Variants in EBF3 observed in about 807,000 individuals in gnomAD.
EBF3 encodes transcription factor COE3.
In EBF3, 18 loss-of-function variants were observed where a neutral mutation model predicts 77.1. The ratio of observed to expected loss-of-function variants is 0.23; its 90% CI spans 0.16 to 0.35. The LOEUF (loss-of-function observed/expected upper bound fraction) is 0.35, where lower values mean the gene tolerates loss of function less well. Among genes scored for constraint, EBF3 ranks in the 10% least tolerant of loss-of-function variants. The probability of loss-of-function intolerance (pLI) is 1.00; values close to 1 mark genes in which losing one functional copy is unlikely to be tolerated. For synonymous variants in EBF3, 350 were observed against 343.5 expected, an observed-to-expected ratio of 1.02 and a Z score of -0.21; for missense variants, 558 against 860.0, an observed-to-expected ratio of 0.65 and a Z score of 4.39.
At chr10:129,868,905 G>A (rs538055238) in intron 8 of EBF3, among the ~76,000 whole-genome samples, 22 of 152,328 alleles carry the variant, frequency 1.4e-4, no homozygotes, top group South Asian at 6.2e-4. Context: ...CCAAAGCCTC[G>A]GAGCCTGTCA....
In EBF3 at chr10:129,853,562, G is replaced by A. The variant is rs943134235; in HGVS notation, c.1040-5082C>T. 5.9e-5 allele frequency among the ~76,000 whole-genome samples: 9 copies of A among 152,160 alleles called. No homozygotes were observed. The East Asian group carries it at 7.7e-4, about 13-fold the overall frequency. On this transcript the variant is annotated intron_variant, in intron 10 of 16. Transcript: ENST00000440978. ...TAAGAACATCTGCAGTTCCTTTTCC[G>A]AGGGACAAGAATGCGCCTCAATTAA...
chr10:129,896,468 T>C (rs11813093), intron 6 of EBF3, among the ~76,000 whole-genome samples: 13,418 of 152,316 alleles, frequency 0.088, 711 homozygotes, highest in East Asian at 0.22. Context: ...CCGCCATTCC[T>C]GGCCCCTCCG....
In EBF3 at chr10:129,935,507, A is replaced by T. The variant is rs554319177; in HGVS notation, c.554+21751T>A. On this transcript the variant is annotated intron_variant, in intron 6 of 16. Coordinates refer to ENST00000440978, the MANE Select transcript of EBF3 (RefSeq NM_001375380.1). The surrounding 1 kb of genome is among the most constrained non-coding windows in gnomAD (Gnocchi z 4.2). ...TTCCTGTGTGACCCCAACCCTAAGA[A>T]CAAGCCTCCCAACTCAGCGCCAACT... Among the ~76,000 whole-genome samples, 22 of 152,272 alleles carry T rather than the reference A, an allele frequency of 1.4e-4. 1 individual carries two copies. In the South Asian group the frequency reaches 4.3e-3, roughly 30 times the overall value.
In EBF3 at chr10:129,943,497, G is replaced by C. The variant is rs1455581140; in HGVS notation, c.554+13761C>G. Among the ~76,000 whole-genome samples, 2 of 152,250 alleles carry C rather than the reference G, an allele frequency of 1.3e-5. No individual in the cohort carries two copies. The highest frequency in any genetic ancestry group is 4.8e-5 in the African/African-American group (2 of 41,532). On this transcript the variant is annotated intron_variant, in intron 6 of 16. Coordinates refer to ENST00000440978, the MANE Select transcript of EBF3 (RefSeq NM_001375380.1). This position sits in a 1 kb window ranked among gnomAD's most constrained non-coding sequence, Gnocchi z 8.8. ...CATTATATAACTGTAAACTTCTGGA[G>C]GTTAGAGATTGGATAATTTCTTTCA...
chr10:129,937,191 A>C (rs974756689), intron 6 of EBF3, among the ~76,000 whole-genome samples: 1 of 152,144 alleles, frequency 6.6e-6, no homozygotes, highest in Non-Finnish European at 1.5e-5. Context: ...GATGGGTGGG[A>C]CAACCACAGG....
chr10:129,887,873 A>G (rs1480796928), intron 6 of EBF3, among the ~76,000 whole-genome samples: 1 of 152,138 alleles, frequency 6.6e-6, no homozygotes, highest in Non-Finnish European at 1.5e-5. Context: ...GTAAGAGGCA[A>G]ACAAAATCAG....
chr10:129,957,215 G>A (rs1174868490), intron 6 of EBF3, 43 bp downstream of exon 6: 2 of 1,546,922 alleles, frequency 1.3e-6, no homozygotes, highest in Non-Finnish European at 1.8e-6. Context: ...ACGTTTTGTT[G>A]CTGCTGCGGT....
Position 129,837,458 on chromosome 10 carries a change from C to T in EBF3, c.*485G>A. 6.4e-6 allele frequency: 1 copy of T among 155,124 alleles called. No homozygotes were observed. Among genetic ancestry groups the T allele is most frequent in the South Asian group, 2.0e-4 (1 of 5,122 alleles). 9.6% of individuals were successfully genotyped at this position (155,124 alleles called of 1,614,324 possible). ...CATACCTCCTTGGCCCTCTTTTTATCACCACAAAAAAATATTTCACATTAT... is the reference window on the plus strand; with the variant it reads ...CATACCTCCTTGGCCCTCTTTTTATTACCACAAAAAAATATTTCACATTAT... On this transcript the variant is annotated 3_prime_UTR_variant, in exon 17 of 17. Transcript: ENST00000440978.
Position 129,864,309 on chromosome 10 carries a change from C to T in EBF3, c.1039+2832G>A, listed in dbSNP as rs191767281. Among the ~76,000 whole-genome samples the T allele has an allele frequency of 2.4e-3, 365 of 152,210 alleles. 2 individuals carry two copies. Among genetic ancestry groups the T allele is most frequent in the South Asian group, 3.7e-3 (18 of 4,814 alleles). On this transcript the variant is annotated intron_variant, in intron 10 of 16. Coordinates refer to ENST00000440978, the MANE Select transcript of EBF3 (RefSeq NM_001375380.1). This position sits in a 1 kb window ranked among gnomAD's most constrained non-coding sequence, Gnocchi z 4.4. ...GGGGGGACGCTGACATCACAGGCTC[C>T]GCCACACCATGTGATACCTGCCAGC...
At chr10:129,959,663 C>A (rs1442172312) in intron 4 of EBF3, among the ~76,000 whole-genome samples, 1 of 151,948 alleles carries the variant, frequency 6.6e-6, no homozygotes, top group Non-Finnish European at 1.5e-5. Context: ...CGGCCGCCGT[C>A]CCGAGCTCCC....
intron 5 of EBF3, among the ~76,000 whole-genome samples, chr10:129,958,084 GATA>G: frequency 6.6e-6 from 1 of 152,158 alleles, no homozygotes; most frequent in Non-Finnish European, 1.5e-5. Context: ...TGCAGAAGTG[GATA>G]ATAAAGAAAT....
rs1321595114 is a variant in EBF3 at position 129,863,492 on chromosome 10, C to A, written c.1039+3649G>T. 6.6e-6 allele frequency among the ~76,000 whole-genome samples: 1 copy of A among 152,226 alleles called. No homozygotes were observed. The highest frequency in any genetic ancestry group is 2.4e-5 in the African/African-American group (1 of 41,458). ...AGATCATTGAGGCCCTTTGCAAAGC[C>A]CCTCCCAGCCTCTGGCGGGCGGCCC... On this transcript the variant is annotated intron_variant, in intron 10 of 16. Coordinates refer to ENST00000440978, the MANE Select transcript of EBF3 (RefSeq NM_001375380.1). The surrounding 1 kb of genome is among the most constrained non-coding windows in gnomAD (Gnocchi z 4.0).
intron 6 of EBF3, among the ~76,000 whole-genome samples, chr10:129,921,618 A>G (rs1334977494): frequency 6.6e-6 from 1 of 152,208 alleles, no homozygotes; most frequent in African/African-American, 2.4e-5. Flanking sequence ...AGCCCACGGC[A>G]GCCTGAGTGA....
At chr10:129,888,206 G>A (rs1475834429) in intron 6 of EBF3, among the ~76,000 whole-genome samples, 2 of 152,172 alleles carry the variant, frequency 1.3e-5, no homozygotes, top group Non-Finnish European at 2.9e-5. Context: ...AGCAGCACCC[G>A]CTATGGCTCT....
chr10:129,876,143 A>G (rs1475181089), intron 7 of EBF3, among the ~76,000 whole-genome samples: 2 of 152,232 alleles, frequency 1.3e-5, no homozygotes, highest in African/African-American at 2.4e-5. Flanking sequence ...TCTGTGTCTC[A>G]CCTGGGCTGT....
intron 6 of EBF3, among the ~76,000 whole-genome samples, chr10:129,920,474 TA>T (rs1856217188): frequency 6.6e-6 from 1 of 152,182 alleles, no homozygotes; most frequent in East Asian, 1.9e-4. Flanking sequence ...CGGCACAGCA[TA>T]CCTGGAGCGA....
At chr10:129,875,768 G>A (rs1032806824) in intron 7 of EBF3, among the ~76,000 whole-genome samples, 7 of 152,310 alleles carry the variant, frequency 4.6e-5, no homozygotes, top group Non-Finnish European at 1.0e-4. Flanking sequence ...TGCAGCCCTG[G>A]TGGGAGGTGG....
At chr10:129,856,795 A>T (rs777489515) in intron 10 of EBF3, among the ~76,000 whole-genome samples, 1 of 152,252 alleles carries the variant, frequency 6.6e-6, no homozygotes, top group Non-Finnish European at 1.5e-5. Context: ...ACGAAAAGCC[A>T]CTTAATTGTA....
At chr10:129,850,128 C>G (rs753650717) in intron 10 of EBF3, among the ~76,000 whole-genome samples, 3 of 152,226 alleles carry the variant, frequency 2.0e-5, no homozygotes, top group Non-Finnish European at 4.4e-5. Flanking sequence ...ACAAAAAAGG[C>G]GGCCCACTGC....
Sources: allele counts gnomAD v4.1 joint callset (sites outside exome capture counted in the v4.1 genomes callset), GRCh38; gene constraint gnomAD v4.1.1; non-coding constraint Gnocchi (gnomAD v3.1); transcripts MANE v1.5; gene names NCBI Gene and HGNC (gene_info 2026-07-23, HGNC 2026-07-21).